Variants in TMEM132D observed in about 807,000 individuals in gnomAD.
TMEM132D encodes mature OL transmembrane protein.
Under a neutral mutation model 62.3 loss-of-function variants are expected in TMEM132D, and 21 were observed. The observed-to-expected ratio is 0.34, with a 90% CI of 0.24 to 0.49. TMEM132D has a LOEUF of 0.49. Ranked by LOEUF, TMEM132D falls within the 20% of genes least tolerant of loss-of-function variation. The probability of loss-of-function intolerance (pLI) is 0.99; values close to 1 mark genes in which losing one functional copy is unlikely to be tolerated. For missense variants in TMEM132D, 1,346 were observed against 1,402.8 expected (o/e 0.96, Z 0.65); for synonymous variants, 621 against 575.6 (o/e 1.08, Z -1.13).
intron 1 of TMEM132D, among the ~76,000 whole-genome samples, chr12:129,888,337 A>C (rs1203746179): frequency 6.6e-6 from 1 of 152,242 alleles, no homozygotes; most frequent in African/African-American, 2.4e-5. Flanking sequence ...TTGAGGCAAC[A>C]ACATAAAGCC....
chr12:129,359,636 T>C (rs1282901611), intron 3 of TMEM132D, among the ~76,000 whole-genome samples: 1 of 152,192 alleles, frequency 6.6e-6, no homozygotes, highest in Non-Finnish European at 1.5e-5. Context: ...AGCTGGCCAA[T>C]GCCTGGCCTT....
At chr12:129,518,358 C>T (rs1183718844) in intron 3 of TMEM132D, among the ~76,000 whole-genome samples, 4 of 152,038 alleles carry the variant, frequency 2.6e-5, no homozygotes, top group African/African-American at 9.7e-5. Flanking sequence ...CTTTGGTGTC[C>T]TCCTATACAG....
At chr12:129,635,060 T>C (rs910260660) in intron 2 of TMEM132D, among the ~76,000 whole-genome samples, 15 of 152,232 alleles carry the variant, frequency 9.9e-5, no homozygotes, top group Non-Finnish European at 1.8e-4. Context: ...ATCATTAGCA[T>C]ATATGTAATT....
At chr12:129,077,865 A>G (rs1207815690) in intron 8 of TMEM132D, among the ~76,000 whole-genome samples, 1 of 146,390 alleles carries the variant, frequency 6.8e-6, no homozygotes, top group Non-Finnish European at 1.5e-5. Flanking sequence ...CACAAGACAC[A>G]CACATGCATA....
Position 129,872,353 on chromosome 12 carries a change from G to A in TMEM132D, c.79+30908C>T, listed in dbSNP as rs915953433. Among the ~76,000 whole-genome samples, 10 of 152,126 alleles carry A rather than the reference G, an allele frequency of 6.6e-5. No homozygotes were observed. In the East Asian group the frequency reaches 7.7e-4, roughly 12 times the overall value. Reference sequence around the variant, plus strand: ...ACAAATAGGAGACACTGACAGCATCGTGAACGTGAACTTCCCAATGGAACA... The same window carrying A: ...ACAAATAGGAGACACTGACAGCATCATGAACGTGAACTTCCCAATGGAACA... On this transcript the variant is annotated intron_variant, in intron 1 of 8. Coordinates refer to ENST00000422113, the MANE Select transcript of TMEM132D (RefSeq NM_133448.3).
At chr12:129,242,577 G>T (rs184111913) in intron 4 of TMEM132D, among the ~76,000 whole-genome samples, 41 of 151,748 alleles carry the variant, frequency 2.7e-4, no homozygotes, top group Admixed American at 1.8e-3. Context: ...CATTTTCATG[G>T]GTTATCACCA....
In TMEM132D at chr12:129,328,739, T is replaced by C. The variant is rs570193585; in HGVS notation, c.1299+8895A>G. 5.9e-5 allele frequency among the ~76,000 whole-genome samples: 9 copies of C among 152,274 alleles called. No individual in the cohort carries two copies. The East Asian group carries it at 1.4e-3, about 23-fold the overall frequency. On this transcript the variant is annotated intron_variant, in intron 4 of 8. Transcript: ENST00000422113. ...CATTTTCCAAAGATCTTTTTGCATA[T>C]GGAACTGATCAACAGCCTACGCTCT... is the stretch of plus-strand genomic sequence containing the variant.
At chr12:129,463,971 G>A (rs372766377) in intron 3 of TMEM132D, among the ~76,000 whole-genome samples, 27 of 149,730 alleles carry the variant, frequency 1.8e-4, no homozygotes, top group East Asian at 1.6e-3. Context: ...ATGATTTATA[G>A]TCCTTTGGGT....
chr12:129,780,347 G>A (rs935663680), intron 1 of TMEM132D, among the ~76,000 whole-genome samples: 48 of 150,122 alleles, frequency 3.2e-4, no homozygotes, highest in Non-Finnish European at 3.0e-5. Flanking sequence ...GGAGGGGGGG[G>A]GCCGGGGGGG....
At chr12:129,477,329 A>C (rs1351149863) in intron 3 of TMEM132D, among the ~76,000 whole-genome samples, 1 of 152,162 alleles carries the variant, frequency 6.6e-6, no homozygotes. Flanking sequence ...TGTGTTTTGT[A>C]AGCTCAGCAT....
In TMEM132D at chr12:129,131,610, A is replaced by AAAAGAAAGAAAGAAAG. The variant is rs36097196; in HGVS notation, c.1444-46924_1444-46909dup. Among the ~76,000 whole-genome samples the AAAAGAAAGAAAGAAAG allele has an allele frequency of 9.9e-5, 15 of 151,640 alleles. 1 individual carries two copies. Among genetic ancestry groups the AAAAGAAAGAAAGAAAG allele is most frequent in the Non-Finnish European group, 2.1e-4 (14 of 67,918 alleles). The stretch of plus-strand genomic sequence containing the variant: ...GTGACAGAGTGAGACTCTGTCTAAA[A>AAAAGAAAGAAAGAAAG]AAAGAAAGAAAGAAAGAAAGAAATT... On this transcript the variant is annotated intron_variant, in intron 5 of 8. Coordinates refer to ENST00000422113, the MANE Select transcript of TMEM132D (RefSeq NM_133448.3).
intron 3 of TMEM132D, among the ~76,000 whole-genome samples, chr12:129,365,019 T>C (rs563413671): frequency 6.6e-6 from 1 of 152,360 alleles, no homozygotes; most frequent in East Asian, 1.9e-4. Flanking sequence ...CATTTCCTTC[T>C]ACTCAGGCAA....
chr12:129,747,177 T>TCTCCTCCTCCCTCCTCCCG (rs1869813170), intron 1 of TMEM132D, among the ~76,000 whole-genome samples: 1 of 132,088 alleles, frequency 7.6e-6, no homozygotes, highest in African/African-American at 2.8e-5. Flanking sequence ...GTCCAATAGC[T>TCTCCTCCTCCCTCCTCCCG]CTCCTTCTCC....
At chr12:129,512,802 C>G (rs1239590386) in intron 3 of TMEM132D, among the ~76,000 whole-genome samples, 1 of 152,198 alleles carries the variant, frequency 6.6e-6, no homozygotes, top group East Asian at 1.9e-4. Context: ...CCTGGCTTGT[C>G]CCAGAGTGAA....
At chr12:129,894,036 C>T (rs1875023030) in intron 1 of TMEM132D, among the ~76,000 whole-genome samples, 1 of 152,214 alleles carries the variant, frequency 6.6e-6, no homozygotes, top group South Asian at 2.1e-4. Flanking sequence ...AGTCATTTGT[C>T]CATCACACTG....
At chr12:129,556,810 G>A (rs567276523) in intron 2 of TMEM132D, among the ~76,000 whole-genome samples, 18 of 152,150 alleles carry the variant, frequency 1.2e-4, no homozygotes, top group Non-Finnish European at 2.1e-4. Context: ...GTGGATGGGG[G>A]TTCCCATATT....
intron 4 of TMEM132D, among the ~76,000 whole-genome samples, chr12:129,276,115 C>A (rs1211476759): frequency 6.6e-6 from 1 of 152,122 alleles, no homozygotes; most frequent in Non-Finnish European, 1.5e-5. Flanking sequence ...AGGTTCTTCC[C>A]CCAAACTAGA....
intron 2 of TMEM132D, among the ~76,000 whole-genome samples, chr12:129,688,159 G>T (rs1051264474): frequency 8.5e-5 from 13 of 152,240 alleles, no homozygotes; most frequent in Non-Finnish European, 1.9e-4. Context: ...GTGCAAAGAG[G>T]CTGTGCATAT....
chr12:129,204,263 C>T (rs1878785049), intron 5 of TMEM132D, among the ~76,000 whole-genome samples: 1 of 152,028 alleles, frequency 6.6e-6, no homozygotes, highest in Non-Finnish European at 1.5e-5. Flanking sequence ...ATATCAAACC[C>T]AATCTAAGGA....
Sources: gnomAD v4.1 joint callset for allele counts (sites outside exome capture counted in the v4.1 genomes callset) on GRCh38, gnomAD v4.1.1 for gene constraint, MANE v1.5 for transcripts, NCBI Gene and HGNC (gene_info 2026-07-23, HGNC 2026-07-21) for gene names.